Variants in PKD2 observed in about 807,000 individuals in gnomAD.
PKD2 encodes the protein polycystin 2, transient receptor potential cation channel.
Under a neutral mutation model 105.9 loss-of-function variants are expected in PKD2, and 48 were observed. The observed-to-expected ratio is 0.45, with a 90% confidence interval of 0.36 to 0.58. The LOEUF is 0.58. Among genes scored for constraint, PKD2 ranks in the 20% least tolerant of loss-of-function variants. The probability of loss-of-function intolerance (pLI) is 0.00; values close to 1 mark genes in which losing one functional copy is unlikely to be tolerated. For synonymous variants in PKD2, 464 were observed against 481.1 expected, an observed-to-expected ratio of 0.96 and a Z score of 0.46; for missense variants, 1,078 against 1,255.3, an observed-to-expected ratio of 0.86 and a Z score of 2.13.
At chr4:88,022,677 A>G (rs765835409) in intron 2 of PKD2, among the ~76,000 whole-genome samples, 1 of 152,226 alleles carries the variant, frequency 6.6e-6, no homozygotes, top group Non-Finnish European at 1.5e-5. Flanking sequence ...AATGACCAAG[A>G]ATATCAAACT....
At chr4:88,056,297 T>C (rs1720328192) in intron 8 of PKD2, 30 bp downstream of exon 8, 1 of 1,427,944 alleles carries the variant, frequency 7.0e-7, no homozygotes, top group Non-Finnish European at 9.8e-7. Context: ...AGAAGAAAAA[T>C]TTAATCAGAG....
chr4:88,047,192 T>C (rs891048650), intron 6 of PKD2, among the ~76,000 whole-genome samples: 6 of 151,150 alleles, frequency 4.0e-5, no homozygotes, highest in Admixed American at 2.6e-4. Context: ...TTTCCACTAA[T>C]GATATTTTTC....
Position 88,038,391 on chromosome 4 carries a change from T to C in PKD2, c.984T>C (p.Asn328=). 1 of 1,613,834 alleles carries C rather than the reference T, an allele frequency of 6.2e-7. No individual in the cohort carries two copies. Among genetic ancestry groups the C allele is most frequent in the Admixed American group, 1.7e-5 (1 of 60,002 alleles). ...VPRIRQLRVR[N]GSCSIPQDLR... ...GAATACGGCAACTCCGAGTCAGAAA[T>C]GGATCCTGCTCTATCCCCCAGGACT... is the stretch of plus-strand genomic sequence containing the variant. The change falls in exon 4 of 15, where the codon AAT becomes AAC. Residue 328 remains asparagine, a synonymous_variant. Coordinates refer to ENST00000237596, the MANE Select transcript of PKD2 (RefSeq NM_000297.4).
chr4:88,055,320 G>A (rs1274129486), intron 7 of PKD2, among the ~76,000 whole-genome samples: 1 of 152,050 alleles, frequency 6.6e-6, no homozygotes, highest in African/African-American at 2.4e-5. Flanking sequence ...TTTCCTGGGG[G>A]GTTTTATAAT....
At chr4:88,058,719 G>A (rs945685656) in intron 9 of PKD2, among the ~76,000 whole-genome samples, 1 of 152,090 alleles carries the variant, frequency 6.6e-6, no homozygotes, top group South Asian at 2.1e-4. Flanking sequence ...AAAACTAAAT[G>A]TAACAATGAA....
chr4:88,066,509 A>G (rs1465723865), intron 12 of PKD2, among the ~76,000 whole-genome samples: 2 of 151,952 alleles, frequency 1.3e-5, no homozygotes, highest in Non-Finnish European at 2.9e-5. Context: ...CTACAGGCAC[A>G]TGCCATCATG....
chr4:88,039,106 A>T (rs2725217), intron 4 of PKD2, among the ~76,000 whole-genome samples: 11,984 of 152,230 alleles, frequency 0.079, 666 homozygotes, highest in East Asian at 0.24. Flanking sequence ...TGTAGTTATT[A>T]TAAAGAAACA....
chr4:88,064,528 A>G (rs1380009554), intron 10 of PKD2, among the ~76,000 whole-genome samples: 3 of 152,158 alleles, frequency 2.0e-5, no homozygotes, highest in African/African-American at 7.2e-5. Context: ...CATTTTGCAC[A>G]ATTTCAGCTT....
chr4:88,013,895 T>G (rs1156559143), intron 1 of PKD2, among the ~76,000 whole-genome samples: 1 of 152,194 alleles, frequency 6.6e-6, no homozygotes, highest in East Asian at 1.9e-4. Flanking sequence ...CACGTTTTCC[T>G]GTAGACATTT....
At chr4:88,051,103 G>A (rs899130177) in intron 6 of PKD2, among the ~76,000 whole-genome samples, 2 of 152,196 alleles carry the variant, frequency 1.3e-5, no homozygotes, top group Non-Finnish European at 2.9e-5. Context: ...TGGATGCCAA[G>A]GAGGGGGCAG....
In PKD2 at chr4:88,056,317, C is replaced by T. The variant is rs373095821; in HGVS notation, c.1898+50C>T. 117 of 1,128,814 alleles carry T rather than the reference C, an allele frequency of 1.0e-4. 1 individual carries two copies. The African/African-American group carries it at 1.6e-3, about 15-fold the overall frequency. 69.9% of individuals were successfully genotyped at this position (1,128,814 alleles called of 1,614,324 possible). A position where few individuals can be genotyped will look rare whatever the true frequency, so the allele number is the denominator to read the frequency against. On this transcript the variant is annotated intron_variant, in intron 8 of 14. Transcript: ENST00000237596. ...AAAAATTTAATCAGAGTTGTCACTG[C>T]TTCTCAAGAATAAATCTTCATATGA...
chr4:88,023,787 G>C (rs1726852121), intron 2 of PKD2, among the ~76,000 whole-genome samples: 1 of 152,168 alleles, frequency 6.6e-6, no homozygotes. Context: ...TCTTGCCAAA[G>C]ATTGTTGAGA....
Position 88,047,162 on chromosome 4 carries a change from GT to G in PKD2, c.1548+300del, listed in dbSNP as rs564560162. On this transcript the variant is annotated intron_variant, in intron 6 of 14. Transcript: ENST00000237596. ...CGTATGAGATGTGGAGGAGAAAACAGTTTTTTTTCTTTGTTTTTTTTTCCAC... is the reference window on the plus strand; with the variant it reads ...CGTATGAGATGTGGAGGAGAAAACAGTTTTTTTCTTTGTTTTTTTTTCCAC... Among the ~76,000 whole-genome samples, 485 of 142,016 alleles carry G rather than the reference GT, an allele frequency of 3.4e-3. 1 individual carries two copies. Among genetic ancestry groups the G allele is most frequent in the Admixed American group, 6.9e-3 (104 of 15,052 alleles). 93.2% of individuals were successfully genotyped at this position (142,016 alleles called of 152,430 possible). A position where few individuals can be genotyped will look rare whatever the true frequency, so the allele number is the denominator to read the frequency against.
intron 1 of PKD2, among the ~76,000 whole-genome samples, chr4:88,015,874 A>G (rs1431563725): frequency 1.3e-5 from 2 of 152,230 alleles, no homozygotes; most frequent in Non-Finnish European, 2.9e-5. Flanking sequence ...CATTGAGCAG[A>G]GGAATGCACT....
intron 2 of PKD2, among the ~76,000 whole-genome samples, chr4:88,022,682 C>G (rs1396616878): frequency 2.6e-5 from 4 of 152,202 alleles, no homozygotes; most frequent in Non-Finnish European, 4.4e-5. Context: ...CCAAGAATAT[C>G]AAACTCATTA....
intron 6 of PKD2, among the ~76,000 whole-genome samples, chr4:88,050,253 C>A (rs918119259): frequency 2.0e-5 from 3 of 152,074 alleles, no homozygotes; most frequent in African/African-American, 7.2e-5. Context: ...GGATTACAGG[C>A]GTGAACCACC....
chr4:88,039,114 A>G (rs762237442), intron 4 of PKD2, among the ~76,000 whole-genome samples: 7 of 152,200 alleles, frequency 4.6e-5, no homozygotes, highest in Non-Finnish European at 2.9e-5. Flanking sequence ...TTATAAAGAA[A>G]CAAGAAGACC....
intron 2 of PKD2, among the ~76,000 whole-genome samples, chr4:88,020,126 C>T (rs1251658080): frequency 1.3e-5 from 2 of 152,098 alleles, no homozygotes; most frequent in African/African-American, 4.8e-5. Context: ...GATTCCTTAA[C>T]AATGAATACA....
chr4:88,058,175 A>T, intron 9 of PKD2, 72 bp downstream of exon 9: 3 of 939,752 alleles, frequency 3.2e-6, no homozygotes, highest in Non-Finnish European at 5.2e-6. Context: ...TTTCTCTCAC[A>T]CTTTATGTCC....
Sources: allele counts gnomAD v4.1 joint callset (sites outside exome capture counted in the v4.1 genomes callset), GRCh38; gene constraint gnomAD v4.1.1; transcripts MANE v1.5; gene names NCBI Gene and HGNC (gene_info 2026-07-23, HGNC 2026-07-21).